Variants in RNF180 observed in about 807,000 individuals in gnomAD.
RNF180 encodes the protein E3 ubiquitin-protein ligase RNF180.
Under a neutral mutation model 59.2 loss-of-function variants are expected in RNF180, and 38 were observed. That is an observed-to-expected ratio of 0.64 (90% CI 0.50 to 0.84). The LOEUF is 0.84. Among genes scored for constraint, RNF180 ranks in the 40% least tolerant of loss-of-function variants. RNF180 has a pLI of 0.00. For missense variants in RNF180, 705 were observed against 700.9 expected, an observed-to-expected ratio of 1.01 and a Z score of -0.07; for synonymous variants, 262 against 240.3, an observed-to-expected ratio of 1.09 and a Z score of -0.84.
chr5:64,232,150 GA>G (rs1742137861), intron 5 of RNF180, among the ~76,000 whole-genome samples: 1 of 152,174 alleles, frequency 6.6e-6, no homozygotes, highest in Admixed American at 6.5e-5. Flanking sequence ...AAGGGTCGCA[GA>G]GCATAAGGGT....
At chr5:64,253,472 G>T (rs957025347) in intron 5 of RNF180, among the ~76,000 whole-genome samples, 3 of 151,916 alleles carry the variant, frequency 2.0e-5, no homozygotes, top group Non-Finnish European at 2.9e-5. Flanking sequence ...ATTTTCACAG[G>T]TTTCCCGTTT....
chr5:64,356,337 A>G (rs1473450592), intron 7 of RNF180, among the ~76,000 whole-genome samples: 1 of 151,942 alleles, frequency 6.6e-6, no homozygotes, highest in Non-Finnish European at 1.5e-5. Context: ...AGAATGGAAG[A>G]AAATGGTTGC....
chr5:64,275,001 A>C (rs761852229), intron 5 of RNF180, among the ~76,000 whole-genome samples: 3 of 152,004 alleles, frequency 2.0e-5, no homozygotes, highest in Admixed American at 6.6e-5. Context: ...TATGGAAGTT[A>C]GCATATGTTA....
At chr5:64,293,359 A>G (rs895389565) in intron 5 of RNF180, among the ~76,000 whole-genome samples, 6 of 150,686 alleles carry the variant, frequency 4.0e-5, no homozygotes, top group African/African-American at 7.3e-5. Context: ...TGAAGAATTC[A>G]CTCGCCATTT....
chr5:64,356,695 A>G (rs1746041493), intron 7 of RNF180, among the ~76,000 whole-genome samples: 1 of 151,928 alleles, frequency 6.6e-6, no homozygotes, highest in Non-Finnish European at 1.5e-5. Flanking sequence ...ATTCTGATAC[A>G]TACTGCAATA....
At chr5:64,208,274 C>T (rs1056756472) in intron 2 of RNF180, among the ~76,000 whole-genome samples, 4 of 152,008 alleles carry the variant, frequency 2.6e-5, no homozygotes, top group Non-Finnish European at 4.4e-5. Flanking sequence ...TCCTCCTTTT[C>T]CTTCCTCCTT....
chr5:64,291,729 G>A (rs1742600695), intron 5 of RNF180, among the ~76,000 whole-genome samples: 4 of 151,978 alleles, frequency 2.6e-5, no homozygotes, highest in Admixed American at 2.6e-4. Flanking sequence ...GCCCGGCCCT[G>A]AAGTATGTTT....
chr5:64,228,489 G>A (rs1449649996), intron 5 of RNF180, among the ~76,000 whole-genome samples: 1 of 152,072 alleles, frequency 6.6e-6, no homozygotes, highest in Non-Finnish European at 1.5e-5. Flanking sequence ...ACCCCATCCT[G>A]GATGACAGAA....
In RNF180 at chr5:64,200,924, T is replaced by C; in HGVS notation, c.117T>C (p.Leu39=). Residue 39 remains leucine, a synonymous_variant, in exon 2 of 8, where the codon CTT becomes CTC. Coordinates refer to ENST00000389100, the MANE Select transcript of RNF180 (RefSeq NM_001113561.2). ...IASSGCFMEY[L]ENQVIKDKDD... ...GCTCTGGTTGTTTTATGGAGTATCT[T>C]GAGAATCAAGTGATTAAGGTGAGTA... 2 of 1,613,626 alleles carry C rather than the reference T, an allele frequency of 1.2e-6. No individual in the cohort carries two copies. The highest frequency in any genetic ancestry group is 2.2e-5 in the South Asian group (2 of 91,058).
chr5:64,179,417 C>G (rs1254499887), intron 1 of RNF180, among the ~76,000 whole-genome samples: 1 of 150,224 alleles, frequency 6.7e-6, no homozygotes, highest in Non-Finnish European at 1.5e-5. Flanking sequence ...CATTCCTGTG[C>G]ATGTTCTTAT....
At chr5:64,332,585 G>A (rs1744954226) in intron 7 of RNF180, among the ~76,000 whole-genome samples, 1 of 152,172 alleles carries the variant, frequency 6.6e-6, no homozygotes, top group Admixed American at 6.5e-5. Context: ...AAAGTACATT[G>A]TAAATTATAA....
At chr5:64,323,966 G>A (rs141831709) in intron 5 of RNF180, among the ~76,000 whole-genome samples, 1 of 152,260 alleles carries the variant, frequency 6.6e-6, no homozygotes, top group East Asian at 1.9e-4. Flanking sequence ...TTAGGTGGAT[G>A]CAAAGGTAAT....
At chr5:64,254,162 A>G (rs1323164187) in intron 5 of RNF180, among the ~76,000 whole-genome samples, 1 of 152,164 alleles carries the variant, frequency 6.6e-6, no homozygotes, top group African/African-American at 2.4e-5. Context: ...TATGAAGGCA[A>G]GTTGTTTTTA....
chr5:64,312,702 A>G (rs1208796583), intron 5 of RNF180, among the ~76,000 whole-genome samples: 1 of 152,060 alleles, frequency 6.6e-6, no homozygotes. Context: ...AAACACCCAC[A>G]CAGGAACAGG....
intron 4 of RNF180, among the ~76,000 whole-genome samples, chr5:64,216,774 G>A (rs1031147827): frequency 6.6e-6 from 1 of 152,154 alleles, no homozygotes; most frequent in Non-Finnish European, 1.5e-5. Context: ...GAAAGACGTA[G>A]CACTGAGCCA....
intron 5 of RNF180, among the ~76,000 whole-genome samples, chr5:64,304,803 G>A (rs1389339681): frequency 6.6e-6 from 1 of 151,642 alleles, no homozygotes; most frequent in Non-Finnish European, 1.5e-5. Flanking sequence ...AATTTTGAAT[G>A]AAGTTTTACT....
intron 5 of RNF180, among the ~76,000 whole-genome samples, chr5:64,296,355 T>C (rs989120480): frequency 2.0e-5 from 3 of 152,146 alleles, no homozygotes; most frequent in Non-Finnish European, 4.4e-5. Flanking sequence ...GGTTAAGTCA[T>C]GGGAATATTC....
intron 5 of RNF180, among the ~76,000 whole-genome samples, chr5:64,273,886 G>A (rs1192380228): frequency 3.9e-5 from 6 of 151,988 alleles, no homozygotes; most frequent in African/African-American, 1.4e-4. Context: ...TCAGAGAGCA[G>A]CTAAGTGACT....
intron 5 of RNF180, among the ~76,000 whole-genome samples, chr5:64,239,285 C>T (rs1332772779): frequency 6.6e-6 from 1 of 150,850 alleles, no homozygotes; most frequent in Non-Finnish European, 1.5e-5. Context: ...GAATTATAAT[C>T]TGCATGTTAA....
Sources: allele counts gnomAD v4.1 joint callset (sites outside exome capture counted in the v4.1 genomes callset), GRCh38; gene constraint gnomAD v4.1.1; transcripts MANE v1.5; gene names NCBI Gene and HGNC (gene_info 2026-07-23, HGNC 2026-07-21).